Variants in PLAA observed in about 807,000 individuals in gnomAD.
PLAA encodes the protein phospholipase A-2-activating protein.
Under a neutral mutation model 84.1 loss-of-function variants are expected in PLAA, and 48 were observed. That is an observed-to-expected ratio of 0.57 (90% CI 0.45 to 0.73). The LOEUF (loss-of-function observed/expected upper bound fraction) is 0.73, where lower values mean the gene tolerates loss of function less well. Ranked by LOEUF, PLAA falls within the 30% of genes least tolerant of loss-of-function variation. PLAA has a pLI of 0.00. For missense variants in PLAA, 903 were observed against 954.7 expected (o/e 0.95, Z 0.71); for synonymous variants, 392 against 336.6 (o/e 1.16, Z -1.80).
intron 1 of PLAA, among the ~76,000 whole-genome samples, chr9:26,941,162 A>AAAAAAC (rs1241982645): frequency 7.0e-6 from 1 of 143,076 alleles, no homozygotes; most frequent in Non-Finnish European, 1.5e-5. Context: ...AAGACAAAAA[A>AAAAAAC]AAAAACAAAA....
At chr9:26,919,141 T>C (rs939105654) in intron 9 of PLAA, 169 bp downstream of exon 9, 3 of 450,108 alleles carry the variant, frequency 6.7e-6, no homozygotes, top group African/African-American at 3.9e-5. Flanking sequence ...TTCTGTAAAA[T>C]ACAGAATTAC....
intron 1 of PLAA, among the ~76,000 whole-genome samples, chr9:26,943,143 G>C (rs1368250817): frequency 1.3e-5 from 2 of 152,044 alleles, no homozygotes; most frequent in Non-Finnish European, 2.9e-5. Flanking sequence ...AGAAGTCAAC[G>C]ACAGACTTGG....
chr9:26,914,376 A>G lies in PLAA; in HGVS notation c.1487-429T>C, dbSNP rs566628862. Among the ~76,000 whole-genome samples the G allele has an allele frequency of 6.7e-4, 102 of 152,282 alleles. 1 individual carries two copies. The highest frequency in any genetic ancestry group is 3.4e-3 in the Middle Eastern group (1 of 294). ...TATAGATAATACTTGTGGCTGTCCTATTGAAAATAGAAAGAAGGAAACTTA... is the reference window on the plus strand; with the variant it reads ...TATAGATAATACTTGTGGCTGTCCTGTTGAAAATAGAAAGAAGGAAACTTA... On this transcript the variant is annotated intron_variant, in intron 10 of 13. Transcript: ENST00000397292.
chr9:26,941,610 T>C (rs565241000), intron 1 of PLAA, among the ~76,000 whole-genome samples: 1 of 152,090 alleles, frequency 6.6e-6, no homozygotes, highest in South Asian at 2.1e-4. Context: ...AAAAAACCAA[T>C]ATGGAGGAAA....
At chr9:26,922,669 ATT>A (rs72464032) in intron 7 of PLAA, among the ~76,000 whole-genome samples, 5 of 140,824 alleles carry the variant, frequency 3.6e-5, no homozygotes, top group African/African-American at 2.6e-5. Flanking sequence ...ATTTTAACTC[ATT>A]TTTTTTTTTT....
intron 1 of PLAA, among the ~76,000 whole-genome samples, chr9:26,937,024 C>T (rs1223203567): frequency 6.6e-6 from 1 of 151,998 alleles, no homozygotes; most frequent in Non-Finnish European, 1.5e-5. Flanking sequence ...GCCTGTAATT[C>T]CAGCTACTTG....
chr9:26,942,806 G>C (rs562977674), intron 1 of PLAA, among the ~76,000 whole-genome samples: 2 of 151,244 alleles, frequency 1.3e-5, no homozygotes, highest in African/African-American at 4.9e-5. Context: ...GTCAACCCGG[G>C]AGGCGGGGCT....
chr9:26,923,052 T>G, intron 7 of PLAA, 126 bp downstream of exon 7: 2 of 673,578 alleles, frequency 3.0e-6, no homozygotes, highest in Non-Finnish European at 5.0e-6. Flanking sequence ...TATGTAATAG[T>G]AAAAATCCTC....
intron 2 of PLAA, among the ~76,000 whole-genome samples, chr9:26,932,625 G>C (rs374900326): frequency 1.1e-4 from 17 of 152,192 alleles, no homozygotes; most frequent in African/African-American, 3.6e-4. Context: ...CTGTTTTAGA[G>C]CCACATAATG....
chr9:26,927,730 G>A (rs1825023261), intron 4 of PLAA, among the ~76,000 whole-genome samples: 1 of 152,104 alleles, frequency 6.6e-6, no homozygotes, highest in Admixed American at 6.5e-5. Flanking sequence ...CATATATGAA[G>A]ATAACACTGC....
chr9:26,925,813 G>C lies in PLAA; in HGVS notation c.869+12C>G. Reference sequence around the variant, plus strand: ...ACATATAACATTTAATGATTGACTAGAATATAAATACCTCGCACCAACCAC... The same window carrying C: ...ACATATAACATTTAATGATTGACTACAATATAAATACCTCGCACCAACCAC... On this transcript the variant is annotated intron_variant, in intron 6 of 13. Transcript: ENST00000397292. 6.2e-7 allele frequency: 1 copy of C among 1,612,378 alleles called. No individual in the cohort carries two copies. The highest frequency in any genetic ancestry group is 1.1e-5 in the South Asian group (1 of 90,984).
chr9:26,919,588 A>G, intron 8 of PLAA, 59 bp from the exon 9 acceptor site: 1 of 871,926 alleles, frequency 1.1e-6, no homozygotes, highest in Non-Finnish European at 1.9e-6. Flanking sequence ...TATATTAATG[A>G]CATATACAAC....
intron 2 of PLAA, among the ~76,000 whole-genome samples, chr9:26,934,374 T>A (rs1481228176): frequency 2.0e-5 from 3 of 152,182 alleles, no homozygotes; most frequent in Non-Finnish European, 2.9e-5. Context: ...TTAAATACTT[T>A]TAGTTTTCTG....
intron 12 of PLAA, 116 bp from the exon 13 acceptor site, chr9:26,908,114 T>G: frequency 1.5e-6 from 1 of 657,800 alleles, no homozygotes; most frequent in Non-Finnish European, 2.5e-6. Flanking sequence ...GTTAAGACTT[T>G]ACTCAGCAAT....
chr9:26,923,020 ACATGGTTTCT>A (rs1824819201), intron 7 of PLAA, among the ~76,000 whole-genome samples, 148 bp downstream of exon 7: 1 of 152,166 alleles, frequency 6.6e-6, no homozygotes, highest in Non-Finnish European at 1.5e-5. Flanking sequence ...AGAGGCAAGA[ACATGGTTTCT>A]CATAGTGATT....
Position 26,910,406 on chromosome 9 carries a change from G to C in PLAA, c.1589C>G (p.Thr530Arg). ...TTTTTTAGGGAAATAAATATTCATT[G>C]TTTTAGATGCAGCTGATCGGTAGGC... is the stretch of plus-strand genomic sequence containing the variant. ...NSAYRSAASK[T>R]MNIYFPKKEA... The change falls in exon 12 of 14, where the codon ACA (threonine) becomes AGA (arginine). Residue 530 changes from threonine to arginine, a missense_variant. Transcript: ENST00000397292. The C allele has an allele frequency of 6.2e-7, 1 of 1,613,168 alleles. No individual in the cohort carries two copies. Among genetic ancestry groups the C allele is most frequent in the Non-Finnish European group, 8.5e-7 (1 of 1,179,422 alleles).
chr9:26,935,812 C>A (rs1034208044), intron 1 of PLAA, among the ~76,000 whole-genome samples: 1 of 151,378 alleles, frequency 6.6e-6, no homozygotes, highest in East Asian at 1.9e-4. Context: ...AACAAAAAAA[C>A]CCCACCTAAT....
chr9:26,908,582 C>G (rs1266648542), intron 12 of PLAA, among the ~76,000 whole-genome samples: 3 of 152,118 alleles, frequency 2.0e-5, no homozygotes, highest in African/African-American at 7.2e-5. Flanking sequence ...TCTCCTGCCT[C>G]AGCCTCCCGA....
At chr9:26,916,603 T>G (rs1035324874) in intron 10 of PLAA, 12 of 989,018 alleles carry the variant, frequency 1.2e-5, no homozygotes, top group Non-Finnish European at 1.3e-5. Flanking sequence ...TACTGCTCCA[T>G]CCAATATCAG....
Sources: gnomAD v4.1 joint callset for allele counts (sites outside exome capture counted in the v4.1 genomes callset) on GRCh38, gnomAD v4.1.1 for gene constraint, MANE v1.5 for transcripts, NCBI Gene and HGNC (gene_info 2026-07-23, HGNC 2026-07-21) for gene names.